GRM8: variants seen among roughly 807,000 people sequenced by gnomAD.
GRM8 encodes metabotropic glutamate receptor 8.
Under a neutral mutation model 87.2 loss-of-function variants are expected in GRM8, and 47 were observed. The observed-to-expected ratio is 0.54, with a 90% CI of 0.43 to 0.69. GRM8 has a LOEUF of 0.69. Ranked by LOEUF, GRM8 falls within the 30% of genes least tolerant of loss-of-function variation. The pLI is 0.00. For missense variants in GRM8, 1,019 were observed against 1,139.2 expected (o/e 0.89, Z 1.52); for synonymous variants, 396 against 404.5 (o/e 0.98, Z 0.25).
At chr7:127,016,083 T>C (rs1815640782) in intron 3 of GRM8, among the ~76,000 whole-genome samples, 1 of 152,136 alleles carries the variant, frequency 6.6e-6, no homozygotes, top group Non-Finnish European at 1.5e-5. Flanking sequence ...TTTCTCTTCA[T>C]GACAGTAGCT....
At chr7:127,157,840 T>A (rs1483650293) in intron 2 of GRM8, among the ~76,000 whole-genome samples, 1 of 152,050 alleles carries the variant, frequency 6.6e-6, no homozygotes, top group African/African-American at 2.4e-5. Flanking sequence ...GTTACACACA[T>A]TATGTAAAAC....
chr7:126,642,149 A>G lies in GRM8; in HGVS notation c.1358-32651T>C, dbSNP rs1585331674. Among the ~76,000 whole-genome samples, 3 of 152,330 alleles carry G rather than the reference A, an allele frequency of 2.0e-5. No homozygotes were observed. The East Asian group carries it at 5.8e-4, about 29-fold the overall frequency. ...ATTGTTACTATATCTCATTAGTCTA[A>G]AGAACACATTTCCTACACACAAACA... On this transcript the variant is annotated intron_variant, in intron 7 of 10. Transcript: ENST00000339582.
At chr7:126,634,268 A>G (rs1801633312) in intron 7 of GRM8, among the ~76,000 whole-genome samples, 1 of 152,112 alleles carries the variant, frequency 6.6e-6, no homozygotes, top group Admixed American at 6.6e-5. Context: ...ATCCCAGGCC[A>G]TTATCAGCTG....
chr7:126,624,103 G>A (rs1028736968), intron 7 of GRM8, among the ~76,000 whole-genome samples: 3 of 152,108 alleles, frequency 2.0e-5, no homozygotes, highest in African/African-American at 7.2e-5. Flanking sequence ...CATTCACACT[G>A]AACAACAACA....
At chr7:127,087,992 T>A (rs2299531) in intron 3 of GRM8, among the ~76,000 whole-genome samples, 1 of 152,056 alleles carries the variant, frequency 6.6e-6, no homozygotes, top group South Asian at 2.1e-4. Context: ...ATTTTTTAAA[T>A]GAGGAAATGA....
chr7:126,967,402 T>C (rs1022691674), intron 3 of GRM8, among the ~76,000 whole-genome samples: 9 of 152,192 alleles, frequency 5.9e-5, no homozygotes, highest in African/African-American at 2.2e-4. Context: ...ACTCACATCA[T>C]CAAAGCTACA....
At chr7:126,566,292 T>C (rs1057011830) in intron 8 of GRM8, among the ~76,000 whole-genome samples, 1 of 152,130 alleles carries the variant, frequency 6.6e-6, no homozygotes, top group Non-Finnish European at 1.5e-5. Context: ...ATGAGTTAGT[T>C]TTCAAAATTG....
intron 3 of GRM8, among the ~76,000 whole-genome samples, chr7:126,929,539 T>A (rs1805516664): frequency 6.6e-6 from 1 of 152,090 alleles, no homozygotes; most frequent in South Asian, 2.1e-4. Flanking sequence ...GGTCAAGCGA[T>A]TCTCCTGCCT....
chr7:126,487,247 T>A (rs1015491), intron 9 of GRM8, among the ~76,000 whole-genome samples: 120,429 of 151,762 alleles, frequency 0.79, 47,909 homozygotes, highest in Middle Eastern at 0.88. Context: ...TGGTAAAGGT[T>A]TATAATGAAA....
At chr7:126,494,469 T>C (rs1024385092) in intron 9 of GRM8, among the ~76,000 whole-genome samples, 1 of 151,954 alleles carries the variant, frequency 6.6e-6, no homozygotes, top group African/African-American at 2.4e-5. Context: ...AAAATTCAAG[T>C]CTTGATGTTA....
chr7:127,116,836 G>A lies in GRM8; in HGVS notation c.511-10124C>T, dbSNP rs142183888. Among the ~76,000 whole-genome samples the A allele has an allele frequency of 3.1e-3, 468 of 152,212 alleles. 2 individuals carry two copies. The highest frequency in any genetic ancestry group is 9.5e-3 in the African/African-American group (393 of 41,550). On this transcript the variant is annotated intron_variant, in intron 2 of 10. Transcript: ENST00000339582. ...GAAAAATATTAAACCATAGACCACC[G>A]TCTCCCATGCATATTACAAATAATG...
chr7:126,719,437 T>C (rs1007327825), intron 7 of GRM8, among the ~76,000 whole-genome samples: 4 of 152,224 alleles, frequency 2.6e-5, no homozygotes, highest in Non-Finnish European at 5.9e-5. Flanking sequence ...GCTGCAATCA[T>C]ATTCCAGTAA....
intron 7 of GRM8, among the ~76,000 whole-genome samples, chr7:126,630,386 A>G (rs1801140593): frequency 6.6e-6 from 1 of 152,174 alleles, no homozygotes; most frequent in Non-Finnish European, 1.5e-5. Context: ...GCAGTAATAA[A>G]TAGGCTACCA....
chr7:126,457,076 C>CGT (rs1563026241), intron 9 of GRM8, among the ~76,000 whole-genome samples: 10 of 149,954 alleles, frequency 6.7e-5, no homozygotes, highest in Admixed American at 2.0e-4. Context: ...TGTGTGTGTG[C>CGT]CTGTGTGTGT....
intron 7 of GRM8, among the ~76,000 whole-genome samples, chr7:126,641,811 G>C (rs889616032): frequency 2.0e-5 from 3 of 152,180 alleles, no homozygotes; most frequent in Non-Finnish European, 2.9e-5. Flanking sequence ...AATGGGCAGA[G>C]TAGACAACAT....
chr7:126,752,012 G>C (rs531095905), intron 7 of GRM8, among the ~76,000 whole-genome samples: 1 of 152,136 alleles, frequency 6.6e-6, no homozygotes, highest in South Asian at 2.1e-4. Context: ...CAGCAGCAAA[G>C]AGTTAAACCT....
chr7:127,003,964 A>G (rs1041331264), intron 3 of GRM8, among the ~76,000 whole-genome samples: 1 of 151,674 alleles, frequency 6.6e-6, no homozygotes, highest in Non-Finnish European at 1.5e-5. Context: ...TACTTACATT[A>G]ATTAATTGTT....
At chr7:126,674,342 C>T (rs1346712104) in intron 7 of GRM8, among the ~76,000 whole-genome samples, 1 of 152,192 alleles carries the variant, frequency 6.6e-6, no homozygotes. Flanking sequence ...GAGATTCTTT[C>T]TCCCCTAAAT....
At chr7:127,055,826 T>C (rs1008463244) in intron 3 of GRM8, among the ~76,000 whole-genome samples, 1 of 151,888 alleles carries the variant, frequency 6.6e-6, no homozygotes, top group African/African-American at 2.4e-5. Flanking sequence ...AAAAAAAGTT[T>C]GCGAAGTGAA....
Sources: gnomAD v4.1 joint callset for allele counts (sites outside exome capture counted in the v4.1 genomes callset) on GRCh38, gnomAD v4.1.1 for gene constraint, MANE v1.5 for transcripts, NCBI Gene and HGNC (gene_info 2026-07-23, HGNC 2026-07-21) for gene names.